Variants in MBP observed in about 807,000 individuals in gnomAD.
MBP encodes Golli-MBP.
A neutral mutation model predicts 35.8 loss-of-function variants in MBP; 16 were observed. That is an observed-to-expected ratio of 0.45 (90% CI 0.30 to 0.68). The LOEUF is 0.68. MBP is among the 30% of genes least tolerant of loss of function. The pLI is 0.08. For missense variants in MBP, 380 were observed against 404.7 expected (o/e 0.94, Z 0.52); for synonymous variants, 143 against 159.6 (o/e 0.90, Z 0.78).
chr18:76,985,911 C>A, intron 7 of MBP: 1 of 986,650 alleles, frequency 1.0e-6, no homozygotes, highest in Non-Finnish European at 1.2e-6. Flanking sequence ...AGCAGCCCCT[C>A]TGGCTTCCTC....
intron 4 of MBP, among the ~76,000 whole-genome samples, chr18:76,994,173 G>A (rs1020206946): frequency 6.6e-6 from 1 of 152,210 alleles, no homozygotes; most frequent in Non-Finnish European, 1.5e-5. Context: ...TTTAAGTGCT[G>A]TGTCTACCAG....
intron 3 of MBP, among the ~76,000 whole-genome samples, chr18:77,027,436 T>TG (rs979979269): frequency 8.5e-5 from 13 of 152,214 alleles, no homozygotes; most frequent in Non-Finnish European, 1.9e-4. Context: ...CTAGCCCTGC[T>TG]GGTGTCCCCC....
intron 2 of MBP, among the ~76,000 whole-genome samples, chr18:77,069,210 T>G (rs1401717626): frequency 6.6e-6 from 1 of 152,148 alleles, no homozygotes; most frequent in African/African-American, 2.4e-5. Flanking sequence ...ATAGTTAAAA[T>G]GGATTGTTTC....
chr18:77,014,766 C>T, intron 4 of MBP: 1 of 985,330 alleles, frequency 1.0e-6, no homozygotes, highest in Non-Finnish European at 1.2e-6. Flanking sequence ...CCCGGGATGC[C>T]TCACAGCTGC....
chr18:77,028,968 G>A (rs554334234), intron 3 of MBP, among the ~76,000 whole-genome samples: 1 of 109,582 alleles, frequency 9.1e-6, no homozygotes, highest in African/African-American at 2.7e-5. Context: ...CCCAGACAAT[G>A]GGCGGCCAGG....
rs191845602 is a variant in MBP at position 77,083,352 on chromosome 18, C to T, written c.52-16967G>A. Among the ~76,000 whole-genome samples, 30 of 152,294 alleles carry T rather than the reference C, an allele frequency of 2.0e-4. No individual in the cohort carries two copies. In the East Asian group the frequency reaches 2.1e-3, roughly 11 times the overall value. On this transcript the variant is annotated intron_variant, in intron 2 of 8. Coordinates refer to ENST00000355994, the MANE Select transcript of MBP (RefSeq NM_001025101.2). ...CTGAGGACCCAGAGGAAAATTACAACGACGTCCAGGACCCTTTTCTTTGAC... is the reference window on the plus strand; with the variant it reads ...CTGAGGACCCAGAGGAAAATTACAATGACGTCCAGGACCCTTTTCTTTGAC...
At chr18:77,065,494 A>G (rs1006099913) in intron 3 of MBP, among the ~76,000 whole-genome samples, 2 of 152,214 alleles carry the variant, frequency 1.3e-5, no homozygotes, top group East Asian at 1.9e-4. Flanking sequence ...GACACATTCA[A>G]TCCACAAAAA....
At position 77,044,390 on chromosome 18, in the gene MBP, C is replaced by A. The variant is rs1973139332; in HGVS notation, c.139+21908G>T. 6.6e-6 allele frequency among the ~76,000 whole-genome samples: 1 copy of A among 152,110 alleles called. No individual in the cohort carries two copies. Among genetic ancestry groups the A allele is most frequent in the Non-Finnish European group, 1.5e-5 (1 of 68,022 alleles). On this transcript the variant is annotated intron_variant, in intron 3 of 8. Transcript: ENST00000355994. The surrounding 1 kb of genome is among the most constrained non-coding windows in gnomAD (Gnocchi z 4.4). ...CAGCTGCCGTGGTGCCAGCCCCCTG[C>A]CCCTCTCCTCCACCTCCATAGATCA...
At chr18:77,007,023 G>A (rs1971021723) in intron 4 of MBP, among the ~76,000 whole-genome samples, 1 of 152,224 alleles carries the variant, frequency 6.6e-6, no homozygotes, top group South Asian at 2.1e-4. Flanking sequence ...GCAGGGCAGG[G>A]AGTTCTTGGT....
intron 7 of MBP, chr18:76,986,674 T>A (rs1969574941): frequency 2.0e-6 from 2 of 985,528 alleles, no homozygotes; most frequent in South Asian, 9.4e-5. Context: ...GGTTTCCAGG[T>A]TCATGCTCAC....
rs945952639 is a variant in MBP at position 76,989,436 on chromosome 18, T to C, written c.681+520A>G. ...CACTTTTCGGTTTACAGAAAAACTGTGCAGAAATTAGTTTCCACATACCCC... is the reference window on the plus strand; with the variant it reads ...CACTTTTCGGTTTACAGAAAAACTGCGCAGAAATTAGTTTCCACATACCCC... On this transcript the variant is annotated intron_variant, in intron 5 of 8. Transcript: ENST00000355994. The surrounding 1 kb of genome is among the most constrained non-coding windows in gnomAD (Gnocchi z 4.0). Among the ~76,000 whole-genome samples the C allele has an allele frequency of 6.6e-6, 1 of 152,194 alleles. No individual in the cohort carries two copies. The highest frequency in any genetic ancestry group is 1.5e-5 in the Non-Finnish European group (1 of 68,020).
chr18:76,988,653 C>A lies in MBP; in HGVS notation c.718-126G>T. 1 of 1,495,646 alleles carries A rather than the reference C, an allele frequency of 6.7e-7. No individual in the cohort carries two copies. The highest frequency in any genetic ancestry group is 8.9e-7 in the Non-Finnish European group (1 of 1,122,634). 92.6% of individuals were successfully genotyped at this position (1,495,646 alleles called of 1,614,324 possible). On this transcript the variant is annotated intron_variant, in intron 6 of 8. Coordinates refer to ENST00000355994, the MANE Select transcript of MBP (RefSeq NM_001025101.2). The surrounding 1 kb of genome is among the most constrained non-coding windows in gnomAD (Gnocchi z 5.2). Reference sequence around the variant, plus strand: ...GTAAAAACAGGTTCCACCCGGAGCTCCGAGGGGGGCCGCAGGCTCAGGGCC... The same window carrying A: ...GTAAAAACAGGTTCCACCCGGAGCTACGAGGGGGGCCGCAGGCTCAGGGCC...
intron 3 of MBP, among the ~76,000 whole-genome samples, chr18:77,034,194 G>T (rs1972664073): frequency 6.6e-6 from 1 of 152,124 alleles, no homozygotes; most frequent in South Asian, 2.1e-4. Context: ...CGCCAGGGAT[G>T]CCTTGAAGAC....
chr18:76,998,030 A>G (rs1243082372), intron 4 of MBP, among the ~76,000 whole-genome samples: 1 of 152,238 alleles, frequency 6.6e-6, no homozygotes, highest in Non-Finnish European at 1.5e-5. Context: ...AAACACACAT[A>G]AAACTTACCA....
rs1287112427 is a variant in MBP at position 77,020,528 on chromosome 18, C to T, written c.140-3260G>A. ...TGCAATGAGAGGTGCATGGCGAAGT[C>T]CAGGAACCCCTCCTCAGAGTCACAT... is the stretch of plus-strand genomic sequence containing the variant. On this transcript the variant is annotated intron_variant, in intron 3 of 8. Transcript: ENST00000355994. The surrounding 1 kb of genome is among the most constrained non-coding windows in gnomAD (Gnocchi z 4.1). 1.3e-5 allele frequency among the ~76,000 whole-genome samples: 2 copies of T among 152,184 alleles called. No homozygotes were observed. Among genetic ancestry groups the T allele is most frequent in the Non-Finnish European group, 2.9e-5 (2 of 68,032 alleles).
intron 3 of MBP, among the ~76,000 whole-genome samples, chr18:77,053,172 G>C (rs559418): frequency 0.82 from 124,202 of 151,808 alleles, 50,996 homozygotes; most frequent in East Asian, 0.94. Context: ...AGATGGCTTA[G>C]TGATAGGAGC....
intron 4 of MBP, chr18:77,015,315 A>C (rs1283331709): frequency 3.0e-6 from 3 of 985,354 alleles, no homozygotes; most frequent in Non-Finnish European, 3.6e-6. Flanking sequence ...AGCTTTCAAA[A>C]CTGGTGATGC....
intron 3 of MBP, 183 bp from the exon 4 acceptor site, chr18:77,017,451 G>T: frequency 2.3e-6 from 1 of 438,934 alleles, no homozygotes; most frequent in Non-Finnish European, 3.8e-6. Flanking sequence ...TTGCAGCTCT[G>T]TGTTTCAGAA....
intron 1 of MBP, among the ~76,000 whole-genome samples, chr18:77,130,287 CG>C (rs966786860): frequency 3.3e-5 from 5 of 152,006 alleles, no homozygotes; most frequent in Admixed American, 3.3e-4. Flanking sequence ...CTCACCACGG[CG>C]GTGCAGAGCA....
Sources: gnomAD v4.1 joint callset for allele counts (sites outside exome capture counted in the v4.1 genomes callset) on GRCh38, gnomAD v4.1.1 for gene constraint, Gnocchi (gnomAD v3.1) non-coding constraint, MANE v1.5 for transcripts, NCBI Gene and HGNC (gene_info 2026-07-23, HGNC 2026-07-21) for gene names.